The following ERI1 variants were observed in gnomAD, a reference collection of about 807,000 sequenced individuals.
ERI1 encodes exoribonuclease 1.
A neutral mutation model predicts 39.7 loss-of-function variants in ERI1; 39 were observed. The observed-to-expected ratio is 0.98, with a 90% CI of 0.76 to 1.28. The LOEUF (loss-of-function observed/expected upper bound fraction) is 1.28, where lower values mean the gene tolerates loss of function less well. ERI1 is among the 50% of genes most tolerant of loss of function. ERI1 has a pLI of 0.00. For synonymous variants in ERI1, 204 were observed against 149.6 expected, an observed-to-expected ratio of 1.36 and a Z score of -2.65; for missense variants, 581 against 416.9, an observed-to-expected ratio of 1.39 and a Z score of -3.43.
intron 3 of ERI1, among the ~76,000 whole-genome samples, chr8:9,092,539 C>T (rs1011078301): frequency 1.3e-5 from 2 of 152,178 alleles, no homozygotes; most frequent in Non-Finnish European, 2.9e-5. Flanking sequence ...GGGAACATCA[C>T]TGAAGATTAC....
intron 3 of ERI1, among the ~76,000 whole-genome samples, chr8:9,042,329 A>G (rs949136739): frequency 6.6e-6 from 1 of 152,202 alleles, no homozygotes; most frequent in East Asian, 1.9e-4. Flanking sequence ...AAAGGTTCCT[A>G]AAATCTATTG....
chr8:9,081,810 G>C (rs554778417), intron 3 of ERI1, among the ~76,000 whole-genome samples: 1 of 151,968 alleles, frequency 6.6e-6, no homozygotes, highest in Non-Finnish European at 1.5e-5. Flanking sequence ...AAAGGGAGGG[G>C]TGCTCCAAAG....
At chr8:9,069,135 A>G (rs1191070932) in intron 3 of ERI1, among the ~76,000 whole-genome samples, 1 of 152,180 alleles carries the variant, frequency 6.6e-6, no homozygotes, top group African/African-American at 2.4e-5. Flanking sequence ...ATATTTATTA[A>G]AAGGACAAAA....
rs545850596 is a variant in ERI1 at position 9,016,214 on chromosome 8, C to T, written c.499-108C>T. 2.3e-5 allele frequency: 12 copies of T among 517,870 alleles called. No homozygotes were observed. The South Asian group carries it at 2.6e-4, about 11-fold the overall frequency. 32.1% of individuals were successfully genotyped at this position (517,870 alleles called of 1,614,324 possible). ...TCTTAAAAACTGGAAGGGTTTATGC[C>T]GTGAGATCCTATGAAATTGCAACCT... On this transcript the variant is annotated intron_variant, in intron 3 of 6. Coordinates refer to ENST00000250263, the MANE Select transcript of ERI1 (RefSeq NM_153332.4).
At chr8:9,028,635 T>C (rs1402089759) in intron 6 of ERI1, among the ~76,000 whole-genome samples, 1 of 152,024 alleles carries the variant, frequency 6.6e-6, no homozygotes, top group Non-Finnish European at 1.5e-5. Context: ...TTTTTTTTTC[T>C]TTTTTTGAGA....
rs1285031021 is a variant in ERI1, at chr8:9,032,326, C to G, written c.*2292C>G. 6.6e-6 allele frequency: 1 copy of G among 152,112 alleles called. No individual in the cohort carries two copies. The highest frequency in any genetic ancestry group is 1.5e-5 in the Non-Finnish European group (1 of 68,022). 9.4% of individuals were successfully genotyped at this position (152,112 alleles called of 1,614,324 possible). On this transcript the variant is annotated 3_prime_UTR_variant, in exon 7 of 7. Coordinates refer to ENST00000250263, the MANE Select transcript of ERI1 (RefSeq NM_153332.4). ...AACAATTTATTATTAGCTGTGTTAA[C>G]TTTTATTCTATGCTTCATATGCTCT...
intron 2 of ERI1, among the ~76,000 whole-genome samples, chr8:9,010,516 G>C (rs1194786278): frequency 1.3e-5 from 2 of 152,008 alleles, no homozygotes; most frequent in African/African-American, 2.4e-5. Flanking sequence ...TCATGGGTAG[G>C]ATTTTTTTCA....
In ERI1 at chr8:9,003,229, C is replaced by G. The variant is rs949585051; in HGVS notation, c.108+58C>G. On this transcript the variant is annotated intron_variant, in intron 1 of 6. Coordinates refer to ENST00000250263, the MANE Select transcript of ERI1 (RefSeq NM_153332.4). ...CCAGCTGCCCCGTCCCCAAAGCGCC[C>G]TCGGCACCCCTTTCTTCTCAGGTGT... 34 of 1,053,494 alleles carry G rather than the reference C, an allele frequency of 3.2e-5. No homozygotes were observed. In the African/African-American group the frequency reaches 5.1e-4, roughly 16 times the overall value. The allele number at this position is 1,053,494 out of a possible 1,614,324, so 65.3% of individuals were successfully genotyped here. A position where few individuals can be genotyped will look rare whatever the true frequency, so the allele number is the denominator to read the frequency against.
chr8:9,049,755 A>G (rs1481044834), intron 3 of ERI1: 1 of 152,184 alleles, frequency 6.6e-6, no homozygotes, highest in African/African-American at 2.4e-5. Flanking sequence ...CAACCCCCGC[A>G]AAAAAGAATA....
At chr8:9,008,668 A>G (rs919999040) in intron 2 of ERI1, among the ~76,000 whole-genome samples, 2 of 152,220 alleles carry the variant, frequency 1.3e-5, no homozygotes, top group East Asian at 1.9e-4. Context: ...AGTCAACTGT[A>G]TGTGTATTTT....
intron 3 of ERI1, among the ~76,000 whole-genome samples, chr8:9,070,917 G>T (rs556158425): frequency 1.3e-5 from 2 of 152,300 alleles, no homozygotes; most frequent in Non-Finnish European, 2.9e-5. Flanking sequence ...GCCCCAGGTG[G>T]CAGGGTTGGG....
In ERI1 at chr8:9,032,789, G is replaced by T. The variant is rs1797680722; in HGVS notation, c.*2755G>T. The T allele has an allele frequency of 6.6e-6, 1 of 152,178 alleles. No homozygotes were observed. The highest frequency in any genetic ancestry group is 1.5e-5 in the Non-Finnish European group (1 of 68,040). The allele number at this position is 152,178 out of a possible 1,614,324, so 9.4% of individuals were successfully genotyped here. On this transcript the variant is annotated 3_prime_UTR_variant, in exon 7 of 7. Transcript: ENST00000250263. ...CTGGGGAGGGGAAGAAGCACAGGTG[G>T]TCAAGATAATAATGCATGTTTGGCC...
At chr8:9,038,785 G>A (rs34412730) in intron 3 of ERI1, among the ~76,000 whole-genome samples, 22,920 of 152,138 alleles carry the variant, frequency 0.15, 1,922 homozygotes, top group African/African-American at 0.21. Context: ...GGATCAAGAT[G>A]TAAATATATT....
chr8:9,096,024 T>C (rs1490186580), intron 3 of ERI1, among the ~76,000 whole-genome samples: 1 of 152,158 alleles, frequency 6.6e-6, no homozygotes, highest in East Asian at 1.9e-4. Flanking sequence ...AATGAGATAA[T>C]GTCTGTGAAA....
chr8:9,023,544 C>G (rs953003007), intron 6 of ERI1, among the ~76,000 whole-genome samples: 3 of 152,134 alleles, frequency 2.0e-5, no homozygotes, highest in South Asian at 4.1e-4. Flanking sequence ...AGTGGTTTCT[C>G]TTTGTGCACC....
At chr8:9,072,008 G>T (rs898040437) in intron 3 of ERI1, among the ~76,000 whole-genome samples, 1 of 152,210 alleles carries the variant, frequency 6.6e-6, no homozygotes, top group African/African-American at 2.4e-5. Flanking sequence ...CGAGGCTGCA[G>T]TGAGTGGAGA....
intron 3 of ERI1, among the ~76,000 whole-genome samples, chr8:9,098,059 G>T (rs997602621): frequency 6.6e-6 from 1 of 152,202 alleles, no homozygotes; most frequent in Non-Finnish European, 1.5e-5. Flanking sequence ...TCCTAAGTGG[G>T]AGCTAAGCTA....
At chr8:9,039,691 C>T (rs920448183) in intron 3 of ERI1, among the ~76,000 whole-genome samples, 3 of 152,130 alleles carry the variant, frequency 2.0e-5, no homozygotes, top group Non-Finnish European at 4.4e-5. Context: ...AAATAAAATT[C>T]TTTAGTGTTA....
At chr8:9,036,314 T>C (rs573934879), downstream of ERI1, among the ~76,000 whole-genome samples, 3 of 152,214 alleles carry the variant, frequency 2.0e-5, no homozygotes, top group Non-Finnish European at 2.9e-5. Flanking sequence ...AACTTCATTG[T>C]TGTCTCATTT....
Sources: gnomAD v4.1 joint callset for allele counts (sites outside exome capture counted in the v4.1 genomes callset) on GRCh38, gnomAD v4.1.1 for gene constraint, MANE v1.5 for transcripts, NCBI Gene and HGNC (gene_info 2026-07-23, HGNC 2026-07-21) for gene names.